MACROD2: variants seen among roughly 807,000 people sequenced by gnomAD.
MACROD2 encodes the protein ADP-ribose glycohydrolase MACROD2.
Under a neutral mutation model 70.4 loss-of-function variants are expected in MACROD2, and 36 were observed. The ratio of observed to expected loss-of-function variants is 0.51; its 90% confidence interval spans 0.39 to 0.68. MACROD2 has a LOEUF of 0.68. MACROD2 is among the 30% of genes least tolerant of loss of function. MACROD2 has a pLI of 0.00. For synonymous variants in MACROD2, 172 were observed against 178.8 expected (o/e 0.96, Z 0.30); for missense variants, 496 against 538.4 (o/e 0.92, Z 0.78).
intron 8 of MACROD2, among the ~76,000 whole-genome samples, chr20:15,590,999 CAGAG>C (rs932932963): frequency 1.1e-4 from 16 of 151,056 alleles, no homozygotes; most frequent in South Asian, 2.1e-4. Context: ...GAGAGAGAGA[CAGAG>C]AGAGAAAAAG....
intron 9 of MACROD2, among the ~76,000 whole-genome samples, chr20:15,878,122 T>C (rs934313627): frequency 5.9e-5 from 9 of 151,896 alleles, no homozygotes; most frequent in African/African-American, 1.9e-4. Context: ...CCATGGACCA[T>C]GATAATCTTG....
At chr20:14,854,657 C>A (rs2073234241) in intron 5 of MACROD2, among the ~76,000 whole-genome samples, 2 of 152,108 alleles carry the variant, frequency 1.3e-5, no homozygotes, top group Admixed American at 1.3e-4. Flanking sequence ...ACATCTGTAT[C>A]CAATGCAGGA....
At chr20:14,340,415 A>G (rs2122659214) in intron 3 of MACROD2, among the ~76,000 whole-genome samples, 1 of 152,310 alleles carries the variant, frequency 6.6e-6, no homozygotes, top group South Asian at 2.1e-4. Context: ...GATGGGGGAC[A>G]TCCAAGCACC....
At chr20:14,296,097 A>G (rs1277362592) in intron 3 of MACROD2, among the ~76,000 whole-genome samples, 3 of 151,920 alleles carry the variant, frequency 2.0e-5, no homozygotes, top group African/African-American at 7.3e-5. Context: ...TCATAAAGCC[A>G]GGACCATGCT....
At chr20:14,954,700 A>AATAAATT (rs2074506286) in intron 5 of MACROD2, among the ~76,000 whole-genome samples, 1 of 78,474 alleles carries the variant, frequency 1.3e-5, no homozygotes, top group Non-Finnish European at 2.3e-5. Flanking sequence ...TAAAATTATA[A>AATAAATT]ATAAATTATA....
chr20:15,026,974 A>G (rs1235554292), intron 5 of MACROD2, among the ~76,000 whole-genome samples: 2 of 152,194 alleles, frequency 1.3e-5, no homozygotes, highest in Non-Finnish European at 2.9e-5. Context: ...ATTAAAAATC[A>G]CTGGTATTTT....
At chr20:14,301,312 A>G (rs1407248703) in intron 3 of MACROD2, among the ~76,000 whole-genome samples, 1 of 152,216 alleles carries the variant, frequency 6.6e-6, no homozygotes, top group Non-Finnish European at 1.5e-5. Context: ...GGTGGGAAAA[A>G]ATAAAGAAAA....
intron 5 of MACROD2, among the ~76,000 whole-genome samples, chr20:15,108,363 A>T (rs1468927335): frequency 2.0e-5 from 3 of 152,200 alleles, no homozygotes; most frequent in Admixed American, 2.0e-4. Context: ...ATGGAACTCA[A>T]TAACTTGGAA....
chr20:15,454,406 AACACACACACACACAC>A (rs10523169), intron 7 of MACROD2, among the ~76,000 whole-genome samples: 1,909 of 137,516 alleles, frequency 0.014, 39 homozygotes, highest in African/African-American at 0.041. Context: ...GACATATTCA[AACACACACACACACAC>A]ACACACACAC....
chr20:15,123,984 G>A (rs995765472), intron 5 of MACROD2, among the ~76,000 whole-genome samples: 7 of 151,974 alleles, frequency 4.6e-5, no homozygotes, highest in African/African-American at 1.4e-4. Flanking sequence ...CATCTGAAAC[G>A]TAAAAAAAAG....
intron 5 of MACROD2, among the ~76,000 whole-genome samples, chr20:14,824,842 A>T (rs1437090793): frequency 6.6e-6 from 1 of 152,122 alleles, no homozygotes; most frequent in Non-Finnish European, 1.5e-5. Flanking sequence ...GTTCTCAGGC[A>T]GAAAAAATAG....
intron 3 of MACROD2, among the ~76,000 whole-genome samples, chr20:14,431,328 G>A (rs1555790906): frequency 6.6e-6 from 1 of 152,068 alleles, no homozygotes; most frequent in Non-Finnish European, 1.5e-5. Context: ...TATACTCTCT[G>A]ATGTCACACT....
intron 8 of MACROD2, among the ~76,000 whole-genome samples, chr20:15,517,899 C>T (rs1405474462): frequency 1.3e-5 from 2 of 152,318 alleles, no homozygotes; most frequent in South Asian, 2.1e-4. Flanking sequence ...AGCAGGTTGC[C>T]GAGCCATTTC....
intron 4 of MACROD2, among the ~76,000 whole-genome samples, chr20:14,631,396 A>G (rs1284305864): frequency 1.3e-5 from 2 of 152,186 alleles, no homozygotes; most frequent in Admixed American, 1.3e-4. Flanking sequence ...TGATCAGTTC[A>G]TTAGAACACT....
intron 12 of MACROD2, among the ~76,000 whole-genome samples, chr20:15,949,124 A>G (rs1328875323): frequency 6.6e-6 from 1 of 152,158 alleles, no homozygotes; most frequent in East Asian, 1.9e-4. Context: ...GTGTGGCCTT[A>G]GGTAATGTTT....
intron 3 of MACROD2, among the ~76,000 whole-genome samples, chr20:14,384,198 A>G (rs542440080): frequency 6.6e-6 from 1 of 152,166 alleles, no homozygotes; most frequent in Non-Finnish European, 1.5e-5. Context: ...TAGGATTCAA[A>G]TTCATAAAAC....
chr20:14,904,830 T>C (rs1340510042), intron 5 of MACROD2: 2 of 152,188 alleles, frequency 1.3e-5, no homozygotes, highest in African/African-American at 4.8e-5. Flanking sequence ...ATGGCATATA[T>C]TATGCATATT....
chr20:15,401,440 A>G (rs1406419240), intron 6 of MACROD2, among the ~76,000 whole-genome samples: 1 of 152,050 alleles, frequency 6.6e-6, no homozygotes, highest in Non-Finnish European at 1.5e-5. Flanking sequence ...TGGCAACATG[A>G]CCTCCAAGGA....
intron 3 of MACROD2, among the ~76,000 whole-genome samples, chr20:14,419,162 C>T (rs1891420812): frequency 6.6e-6 from 1 of 151,946 alleles, no homozygotes; most frequent in African/African-American, 2.4e-5. Flanking sequence ...TCAAGTGATT[C>T]TCCTGGCTTA....
Sources: allele counts gnomAD v4.1 joint callset (sites outside exome capture counted in the v4.1 genomes callset), GRCh38; gene constraint gnomAD v4.1.1; transcripts MANE v1.5; gene names NCBI Gene and HGNC (gene_info 2026-07-23, HGNC 2026-07-21).